HELQ: variants seen among roughly 807,000 people sequenced by gnomAD.
HELQ encodes helicase, POLQ like.
HELQ carries 77 observed loss-of-function variants against 111.6 expected under a neutral mutation model. That is an observed-to-expected ratio of 0.69 (90% confidence interval 0.57 to 0.83). The LOEUF (loss-of-function observed/expected upper bound fraction) is 0.83, where lower values mean the gene tolerates loss of function less well. Ranked by LOEUF, HELQ falls within the 40% of genes least tolerant of loss-of-function variation. The pLI is 0.00. For missense variants in HELQ, 1,200 were observed against 1,288.5 expected, an observed-to-expected ratio of 0.93 and a Z score of 1.05; for synonymous variants, 438 against 454.7, an observed-to-expected ratio of 0.96 and a Z score of 0.47.
chr4:83,442,025 A>T (rs1476237541), intron 6 of HELQ, among the ~76,000 whole-genome samples: 1 of 152,088 alleles, frequency 6.6e-6, no homozygotes, highest in African/African-American at 2.4e-5. Context: ...ACAGCCTCTC[A>T]AAGTGCTAGG....
chr4:83,411,157 C>CAAA (rs35424076), intron 17 of HELQ, among the ~76,000 whole-genome samples: 17 of 67,088 alleles, frequency 2.5e-4, no homozygotes, highest in East Asian at 5.7e-4. Flanking sequence ...GACCTTGTCT[C>CAAA]AAAAAAAAAA....
intron 11 of HELQ, among the ~76,000 whole-genome samples, chr4:83,431,108 A>C (rs781282410): frequency 6.6e-6 from 1 of 151,790 alleles, no homozygotes; most frequent in Non-Finnish European, 1.5e-5. Flanking sequence ...GATTAAAGAA[A>C]AAACAAACAA....
At chr4:83,407,987 A>G (rs1183662480) in intron 17 of HELQ, among the ~76,000 whole-genome samples, 1 of 152,222 alleles carries the variant, frequency 6.6e-6, no homozygotes, top group African/African-American at 2.4e-5. Context: ...ATTTCAAATA[A>G]AAGTTTTATT....
chr4:83,415,686 G>A (rs148492532), intron 17 of HELQ, among the ~76,000 whole-genome samples: 2,148 of 151,658 alleles, frequency 0.014, 48 homozygotes, highest in African/African-American at 0.05. Flanking sequence ...AGGTTGGAGT[G>A]CAGTGGCATA....
chr4:83,427,864 G>A lies in HELQ; in HGVS notation c.2519-144C>T, dbSNP rs929519899. ...CATCTTACTATATAACTATTTTGGA[G>A]GTCATTTTGATAGTACTCATCAACA... On this transcript the variant is annotated intron_variant, in intron 12 of 17. Coordinates refer to ENST00000295488, the MANE Select transcript of HELQ (RefSeq NM_133636.5). The A allele has an allele frequency of 1.1e-5, 6 of 530,118 alleles. No individual in the cohort carries two copies. In the East Asian group the frequency reaches 2.0e-4, roughly 18 times the overall value. 32.8% of individuals were successfully genotyped at this position (530,118 alleles called of 1,614,324 possible). A position where few individuals can be genotyped will look rare whatever the true frequency, so the allele number is the denominator to read the frequency against.
At chr4:83,415,089 T>A (rs968503839) in intron 17 of HELQ, among the ~76,000 whole-genome samples, 2 of 152,126 alleles carry the variant, frequency 1.3e-5, no homozygotes, top group Non-Finnish European at 2.9e-5. Flanking sequence ...AGTAAAACAA[T>A]GAAGCTTCAA....
chr4:83,415,725 T>A (rs759992192), intron 17 of HELQ, among the ~76,000 whole-genome samples: 4 of 151,912 alleles, frequency 2.6e-5, no homozygotes, highest in Non-Finnish European at 5.9e-5. Flanking sequence ...CTCCACCTCC[T>A]GGGTTCAAGT....
chr4:83,423,865 C>T lies in HELQ; in HGVS notation c.2775+2129G>A, dbSNP rs146062476. Among the ~76,000 whole-genome samples the T allele has an allele frequency of 4.4e-4, 67 of 151,724 alleles. 1 individual carries two copies. In the East Asian group the frequency reaches 0.012, roughly 28 times the overall value. On this transcript the variant is annotated intron_variant, in intron 14 of 17. Transcript: ENST00000295488. ...GGCGGAGGTTGCAGTGAGCTGAGAT[C>T]GTGCCATTGCACTGCAGCCTGGAGC... is the stretch of plus-strand genomic sequence containing the variant.
At chr4:83,433,468 C>T (rs1337990155) in intron 9 of HELQ, among the ~76,000 whole-genome samples, 1 of 151,880 alleles carries the variant, frequency 6.6e-6, no homozygotes, top group African/African-American at 2.4e-5. Flanking sequence ...GAGATGGAGA[C>T]CATCCTGGCT....
In HELQ at chr4:83,416,791, G is replaced by T; in HGVS notation, c.3138C>A (p.Leu1046=). The change falls in exon 17 of 18, where the codon CTC becomes CTA. Residue 1046 remains leucine (L), a synonymous_variant. Coordinates refer to ENST00000295488, the MANE Select transcript of HELQ (RefSeq NM_133636.5). The part of the protein sequence containing the change: ...MHLANANPEV[L]VRTIDHLSRR... ...TTGATAAATGATCAATTGTCCTTAC[G>T]AGCACTTCAGGATTTGCATTAGCTA... is the stretch of plus-strand genomic sequence containing the variant. The T allele has an allele frequency of 2.5e-6, 4 of 1,613,818 alleles. No individual in the cohort carries two copies. The African/African-American group carries it at 4.0e-5, about 16-fold the overall frequency.
chr4:83,455,217 G>A (rs1380787254), intron 1 of HELQ, 180 bp downstream of exon 1: 1 of 1,302,878 alleles, frequency 7.7e-7, no homozygotes, highest in African/African-American at 1.5e-5. Context: ...TTATGTCTCG[G>A]GGTTTACATT....
At chr4:83,452,745 G>C (rs932919172) in intron 2 of HELQ, among the ~76,000 whole-genome samples, 1 of 152,180 alleles carries the variant, frequency 6.6e-6, no homozygotes, top group Non-Finnish European at 1.5e-5. Context: ...TTATTGAGAA[G>C]TCAGGTAAGG....
At position 83,437,991 on chromosome 4, in the gene HELQ, G is replaced by C. The variant is rs151009702; in HGVS notation, c.1809-894C>G. On this transcript the variant is annotated intron_variant, in intron 8 of 17. Transcript: ENST00000295488. ...TCTAAGAAAATGAATGATTTACTGA[G>C]AATTTTTTTAATGATAATTTAATTT... Among the ~76,000 whole-genome samples, 19 of 152,202 alleles carry C rather than the reference G, an allele frequency of 1.2e-4. No individual in the cohort carries two copies. The East Asian group carries it at 2.3e-3, about 19-fold the overall frequency.
At position 83,436,994 on chromosome 4, in the gene HELQ, A is replaced by G; in HGVS notation, c.1912T>C (p.Phe638Leu). The part of the protein sequence containing the change: ...LCPVLKRTIP[F>L]GVAYHHSGLT... ...CCACTGTGGTGATAGGCAACTCCAA[A>G]TGGGATAGTGCGCTTTAAAACAGGA... The change falls in exon 9 of 18, where the codon TTT becomes CTT. Residue 638 changes from phenylalanine to leucine, a missense_variant. Phe to Leu is a conservative substitution (Grantham distance 22). Around this residue, in one of 3 missense-constraint regions of HELQ, gnomAD observed 585 missense variants for 665.3 expected, o/e 0.88. Coordinates refer to ENST00000295488, the MANE Select transcript of HELQ (RefSeq NM_133636.5). 1 of 1,614,134 alleles carries G rather than the reference A, an allele frequency of 6.2e-7. No homozygotes were observed. Among genetic ancestry groups the G allele is most frequent in the Admixed American group, 1.7e-5 (1 of 60,024 alleles).
At chr4:83,412,026 G>A (rs991982970) in intron 17 of HELQ, among the ~76,000 whole-genome samples, 2 of 152,158 alleles carry the variant, frequency 1.3e-5, no homozygotes, top group Non-Finnish European at 2.9e-5. Context: ...TGGGTTTATT[G>A]CTTATGGAAA....
At chr4:83,448,189 G>A (rs1244698240) in intron 3 of HELQ, among the ~76,000 whole-genome samples, 4 of 152,008 alleles carry the variant, frequency 2.6e-5, no homozygotes, top group East Asian at 3.9e-4. Flanking sequence ...CAGCCTGGGC[G>A]ACAGAGGGAG....
intron 9 of HELQ, among the ~76,000 whole-genome samples, chr4:83,433,806 ACC>A (rs1720294633): frequency 1.3e-5 from 2 of 151,932 alleles, no homozygotes; most frequent in Admixed American, 1.3e-4. Context: ...ACATGGTGAA[ACC>A]CCGTCTCTAC....
chr4:83,412,117 C>G (rs1249711018), intron 17 of HELQ, among the ~76,000 whole-genome samples: 2 of 152,238 alleles, frequency 1.3e-5, no homozygotes, highest in Non-Finnish European at 2.9e-5. Context: ...AATTAAGGAA[C>G]TGGCCACATA....
At chr4:83,431,330 C>CT (rs928681098) in intron 11 of HELQ, among the ~76,000 whole-genome samples, 216 of 145,934 alleles carry the variant, frequency 1.5e-3, no homozygotes, top group East Asian at 3.4e-3. Context: ...ATTCAGTGAT[C>CT]TTTTTTTTTT....
Sources: gnomAD v4.1 joint callset for allele counts (sites outside exome capture counted in the v4.1 genomes callset) on GRCh38, gnomAD v4.1.1 for gene constraint, gnomAD v4.1.1 regional missense constraint, MANE v1.5 for transcripts, NCBI Gene and HGNC (gene_info 2026-07-23, HGNC 2026-07-21) for gene names.